Variants in TTC7A observed in about 807,000 individuals in gnomAD.
TTC7A encodes tetratricopeptide repeat protein 7A.
A neutral mutation model predicts 103.7 loss-of-function variants in TTC7A; 110 were observed. The observed-to-expected ratio is 1.06, with a 90% CI of 0.91 to 1.24. The LOEUF is 1.24. Among genes scored for constraint, TTC7A ranks in the 50% most tolerant of loss-of-function variants. The probability of loss-of-function intolerance (pLI) is 0.00; values close to 1 mark genes in which losing one functional copy is unlikely to be tolerated. For synonymous variants in TTC7A, 521 were observed against 467.9 expected, an observed-to-expected ratio of 1.11 and a Z score of -1.47; for missense variants, 1,340 against 1,116.3, an observed-to-expected ratio of 1.20 and a Z score of -2.86.
In TTC7A at chr2:47,049,986, A is replaced by G. The variant is rs113303079; in HGVS notation, c.1957A>G (p.Thr653Ala). 102 of 1,614,108 alleles carry G rather than the reference A, an allele frequency of 6.3e-5. No homozygotes were observed. In the African/African-American group the frequency reaches 8.4e-4, roughly 13 times the overall value. Residue 653 changes from threonine (T) to alanine (A), a missense_variant, in exon 17 of 20, where the codon ACC becomes GCC. Thr to Ala is a moderately conservative substitution (Grantham distance 58, BLOSUM62 0). Coordinates refer to ENST00000319190, the MANE Select transcript of TTC7A (RefSeq NM_020458.4). ...EKDGSFGEGLTMKKQSGMHLT... is the reference protein window; with the variant it reads ...EKDGSFGEGLAMKKQSGMHLT... ...GGATGGCAGCTTCGGTGAGGGCCTC[A>G]CCATGAAGAAGCAGAGTGGCATGCA...
chr2:46,953,699 A>C (rs1399059674), intron 2 of TTC7A, among the ~76,000 whole-genome samples: 1 of 152,108 alleles, frequency 6.6e-6, no homozygotes, highest in Non-Finnish European at 1.5e-5. Flanking sequence ...AAAACAAGCC[A>C]CTTGTCCTAA....
intron 15 of TTC7A, among the ~76,000 whole-genome samples, chr2:47,032,517 G>C (rs1680663398): frequency 6.6e-6 from 1 of 152,180 alleles, no homozygotes; most frequent in Non-Finnish European, 1.5e-5. Context: ...AATCAGCTCT[G>C]AGGTCAGAGC....
chr2:46,962,895 C>T (rs1672512786), intron 3 of TTC7A, among the ~76,000 whole-genome samples: 1 of 152,268 alleles, frequency 6.6e-6, no homozygotes, highest in Non-Finnish European at 1.5e-5. Context: ...GTCTGTCTGC[C>T]TCTACAGCTC....
intron 2 of TTC7A, among the ~76,000 whole-genome samples, chr2:46,929,493 A>G (rs184872341): frequency 5.5e-4 from 84 of 152,306 alleles, no homozygotes; most frequent in African/African-American, 2.0e-3. Context: ...CAAAATACAT[A>G]AATAAATAAA....
chr2:47,002,781 G>A (rs1419006480), intron 8 of TTC7A, among the ~76,000 whole-genome samples: 3 of 152,020 alleles, frequency 2.0e-5, no homozygotes, highest in Non-Finnish European at 4.4e-5. Flanking sequence ...TACACACACA[G>A]GCACTGCCCA....
At chr2:47,010,431 G>A (rs900403901) in intron 10 of TTC7A, among the ~76,000 whole-genome samples, 3 of 152,194 alleles carry the variant, frequency 2.0e-5, no homozygotes, top group African/African-American at 7.2e-5. Flanking sequence ...ATCTGGATAA[G>A]TGTTTGCTGC....
At chr2:47,030,855 A>G (rs561324558) in intron 15 of TTC7A, among the ~76,000 whole-genome samples, 2 of 152,260 alleles carry the variant, frequency 1.3e-5, no homozygotes, top group South Asian at 4.1e-4. Context: ...CATTCAAGAG[A>G]CTACTAAAGG....
intron 3 of TTC7A, among the ~76,000 whole-genome samples, chr2:46,965,491 G>A (rs943751205): frequency 6.6e-6 from 1 of 152,136 alleles, no homozygotes; most frequent in Non-Finnish European, 1.5e-5. Context: ...CATCCAGCCA[G>A]AGACCTGGAG....
chr2:46,941,517 C>T lies in TTC7A; in HGVS notation c.-25C>T, dbSNP rs987279821. 1 of 1,548,584 alleles carries T rather than the reference C, an allele frequency of 6.5e-7. No individual in the cohort carries two copies. Among genetic ancestry groups the T allele is most frequent in the Non-Finnish European group, 8.7e-7 (1 of 1,146,384 alleles). On this transcript the variant is annotated 5_prime_UTR_variant, in exon 1 of 20. Coordinates refer to ENST00000319190, the MANE Select transcript of TTC7A (RefSeq NM_020458.4). This position sits in a 1 kb window ranked among gnomAD's most constrained non-coding sequence, Gnocchi z 4.2. ...CCGGGTCTCCACTTCTTGGCCGCAC[C>T]TTCCATGACAGCGCCCGCGAGAAGA...
chr2:47,039,649 T>C (rs1681524919), intron 15 of TTC7A, among the ~76,000 whole-genome samples: 1 of 152,236 alleles, frequency 6.6e-6, no homozygotes, highest in African/African-American at 2.4e-5. Flanking sequence ...TTGTTTCTCT[T>C]TGCCTCACAT....
intron 5 of TTC7A, 63 bp from the exon 6 acceptor site, chr2:46,993,387 T>C (rs1023048390): frequency 2.0e-6 from 3 of 1,525,944 alleles, no homozygotes; most frequent in Non-Finnish European, 9.1e-7. Flanking sequence ...GCTGGTGTGC[T>C]GAGAGCATCC....
At chr2:47,073,587 G>A in intron 19 of TTC7A, 115 bp from the exon 20 acceptor site, 2 of 865,982 alleles carry the variant, frequency 2.3e-6, no homozygotes, top group Non-Finnish European at 3.8e-6. Context: ...CAGAGACGCG[G>A]GAATCCTCTC....
At chr2:46,981,055 T>TC (rs759376449) in intron 5 of TTC7A, among the ~76,000 whole-genome samples, 1 of 152,076 alleles carries the variant, frequency 6.6e-6, no homozygotes, top group Non-Finnish European at 1.5e-5. Context: ...TTATGGCTGC[T>TC]CCATTACGTA....
In TTC7A at chr2:47,075,358, AAAAGT is replaced by A. The variant is rs1469181316; in HGVS notation, c.*1440_*1444del. On this transcript the variant is annotated 3_prime_UTR_variant, in exon 20 of 20. Coordinates refer to ENST00000319190, the MANE Select transcript of TTC7A (RefSeq NM_020458.4). ...TATTTTTTTTCTGGAATTCTGTTAG[AAAAGT>A]AAAGAAAAAGCAAATGCTGTTGGTT... 4 of 152,232 alleles carry A rather than the reference AAAAGT, an allele frequency of 2.6e-5. No homozygotes were observed. Among genetic ancestry groups the A allele is most frequent in the Non-Finnish European group, 5.9e-5 (4 of 68,048 alleles). The allele number at this position is 152,232 out of a possible 1,614,324, so 9.4% of individuals were successfully genotyped here.
In TTC7A at chr2:46,978,907, G is replaced by T. The variant is rs750437870; in HGVS notation, c.764G>T (p.Gly255Val). 6.2e-7 allele frequency: 1 copy of T among 1,611,082 alleles called. No homozygotes were observed. The highest frequency in any genetic ancestry group is 2.2e-5 in the East Asian group (1 of 44,858). ...GCCTATGTGAAAAACCTGAAGAAGG[G>T]GTAGGTCACTGGTAGTTGAGTGAGT... ...QSAYVKNLKKGNIVKGMRELR... is the reference protein window; with the variant it reads ...QSAYVKNLKKVNIVKGMRELR... Residue 255 changes from glycine to valine, a missense_variant and splice_region_variant, in exon 5 of 20, where the codon GGG becomes GTG. Transcript: ENST00000319190.
intron 12 of TTC7A, 98 bp downstream of exon 12, chr2:47,022,077 C>A: frequency 2.5e-6 from 2 of 797,274 alleles, no homozygotes; most frequent in Non-Finnish European, 4.1e-6. Context: ...TCCCCTCAGG[C>A]CATGCCTCCA....
intron 3 of TTC7A, among the ~76,000 whole-genome samples, chr2:46,961,584 T>TAAATAAAAAAAA (rs1223434720): frequency 3.9e-4 from 57 of 146,568 alleles, no homozygotes; most frequent in African/African-American, 1.3e-3. Context: ...CTCAAATAAA[T>TAAATAAAAAAAA]AAATAAATAA....
chr2:46,996,542 G>A (rs766815845), intron 8 of TTC7A, among the ~76,000 whole-genome samples: 1 of 152,188 alleles, frequency 6.6e-6, no homozygotes, highest in Non-Finnish European at 1.5e-5. Context: ...AGGAGCAGGC[G>A]CTGGCCTGTG....
At chr2:46,936,525 G>A (rs903177389), upstream of TTC7A, among the ~76,000 whole-genome samples, 1 of 152,124 alleles carries the variant, frequency 6.6e-6, no homozygotes, top group African/African-American at 2.4e-5. Flanking sequence ...AGGCTGGGGG[G>A]TCCTGAGCCA....
Sources: gnomAD v4.1 joint callset for allele counts (sites outside exome capture counted in the v4.1 genomes callset) on GRCh38, gnomAD v4.1.1 for gene constraint, Gnocchi (gnomAD v3.1) non-coding constraint, MANE v1.5 for transcripts, NCBI Gene and HGNC (gene_info 2026-07-23, HGNC 2026-07-21) for gene names.